The following PEX5L variants were observed in gnomAD, a reference collection of about 807,000 sequenced individuals.
The protein encoded by PEX5L is PEX5-related protein.
Under a neutral mutation model 84.0 loss-of-function variants are expected in PEX5L, and 30 were observed. The ratio of observed to expected loss-of-function variants is 0.36; its 90% CI spans 0.27 to 0.48. The LOEUF (loss-of-function observed/expected upper bound fraction) is 0.48. PEX5L is among the 20% of genes least tolerant of loss of function. The pLI is 0.99. For synonymous variants in PEX5L, 270 were observed against 283.1 expected, an observed-to-expected ratio of 0.95 and a Z score of 0.46; for missense variants, 533 against 754.6, an observed-to-expected ratio of 0.71 and a Z score of 3.44.
At chr3:179,935,138 T>C (rs546544309) in intron 2 of PEX5L, among the ~76,000 whole-genome samples, 100 of 151,596 alleles carry the variant, frequency 6.6e-4, no homozygotes, top group African/African-American at 1.3e-3. Context: ...TGACTTACAA[T>C]ATGAAACATG....
chr3:179,877,612 C>T (rs764295700), intron 5 of PEX5L, among the ~76,000 whole-genome samples: 1 of 152,068 alleles, frequency 6.6e-6, no homozygotes, highest in Non-Finnish European at 1.5e-5. Context: ...GCTTATGCCA[C>T]TATGCCAGGC....
chr3:179,844,723 G>A (rs1416036294), intron 8 of PEX5L, among the ~76,000 whole-genome samples: 3 of 152,048 alleles, frequency 2.0e-5, no homozygotes, highest in Admixed American at 1.3e-4. Context: ...CCAGCTACTC[G>A]GGAGGCTGAG....
At chr3:179,810,044 C>T (rs904097331) in intron 11 of PEX5L, among the ~76,000 whole-genome samples, 2 of 115,182 alleles carry the variant, frequency 1.7e-5, no homozygotes, top group African/African-American at 3.3e-5. Context: ...GACAGAGTCT[C>T]ACTCTGTCAC....
At chr3:179,869,745 C>G (rs1366157519) in intron 7 of PEX5L, among the ~76,000 whole-genome samples, 1 of 152,194 alleles carries the variant, frequency 6.6e-6, no homozygotes, top group Non-Finnish European at 1.5e-5. Flanking sequence ...TGACACCACA[C>G]CAACTCAGTT....
At chr3:179,931,118 TTAAA>T (rs2109610354) in intron 2 of PEX5L, among the ~76,000 whole-genome samples, 1 of 152,362 alleles carries the variant, frequency 6.6e-6, no homozygotes, top group Admixed American at 6.5e-5. Flanking sequence ...GTCTAGATTA[TTAAA>T]TGTTTTTCAA....
intron 1 of PEX5L, chr3:179,973,672 A>T: frequency 3.0e-6 from 3 of 985,436 alleles, no homozygotes; most frequent in Non-Finnish European, 3.6e-6. Flanking sequence ...GCACTCACAG[A>T]ACATCATTCG....
intron 14 of PEX5L, chr3:179,804,430 A>G (rs1394445254): frequency 1.3e-5 from 2 of 152,132 alleles, no homozygotes; most frequent in Non-Finnish European, 2.9e-5. Flanking sequence ...AGCAGGATGA[A>G]ATTTTCATCC....
intron 6 of PEX5L, among the ~76,000 whole-genome samples, chr3:179,874,722 T>C (rs1751584951): frequency 7.6e-6 from 1 of 132,132 alleles, no homozygotes. Flanking sequence ...ATAAAAAAAT[T>C]ATGGTTTTTT....
At chr3:179,805,033 T>C (rs1204994635) in intron 14 of PEX5L, among the ~76,000 whole-genome samples, 1 of 151,642 alleles carries the variant, frequency 6.6e-6, no homozygotes. Flanking sequence ...GCAGGAGAAT[T>C]GCTTGAACCT....
At chr3:179,852,261 T>C (rs934890421) in intron 8 of PEX5L, among the ~76,000 whole-genome samples, 3 of 152,088 alleles carry the variant, frequency 2.0e-5, no homozygotes, top group African/African-American at 7.2e-5. Flanking sequence ...TCATGTGGTG[T>C]GGACAGGAGA....
rs113259941 is a variant in PEX5L at position 179,885,647 on chromosome 3, G to GA, written c.310+2025dup. 1.5e-3 allele frequency among the ~76,000 whole-genome samples: 182 copies of GA among 120,298 alleles called. 1 individual carries two copies. Among genetic ancestry groups the GA allele is most frequent in the Admixed American group, 1.3e-3 (15 of 11,880 alleles). 78.9% of individuals were successfully genotyped at this position (120,298 alleles called of 152,430 possible). ...GGTGACAGAGCGAGACTCCGTCTCAGAAAAAAAAAAAAAAGCGGGGGGTGG... is the reference window on the plus strand; with the variant it reads ...GGTGACAGAGCGAGACTCCGTCTCAGAAAAAAAAAAAAAAAGCGGGGGGTGG... On this transcript the variant is annotated intron_variant, in intron 4 of 14. Coordinates refer to ENST00000467460, the MANE Select transcript of PEX5L (RefSeq NM_016559.3).
At position 179,800,238 on chromosome 3, in the gene PEX5L, T is replaced by A. The variant is rs1718457469; in HGVS notation, c.*1590A>T. ...TCCCCAGCCAATTAGACTGTTTTGATCCCAATTCTGTGGAGTCTTTTTTGT... is the reference window on the plus strand; with the variant it reads ...TCCCCAGCCAATTAGACTGTTTTGAACCCAATTCTGTGGAGTCTTTTTTGT... On this transcript the variant is annotated 3_prime_UTR_variant, in exon 15 of 15. Coordinates refer to ENST00000467460, the MANE Select transcript of PEX5L (RefSeq NM_016559.3). The A allele has an allele frequency of 6.6e-6, 1 of 152,242 alleles. No homozygotes were observed. The highest frequency in any genetic ancestry group is 1.5e-5 in the Non-Finnish European group (1 of 68,048). 9.4% of individuals were successfully genotyped at this position (152,242 alleles called of 1,614,324 possible).
chr3:179,989,936 A>T (rs1432961989), intron 1 of PEX5L, among the ~76,000 whole-genome samples: 1 of 152,146 alleles, frequency 6.6e-6, no homozygotes, highest in East Asian at 1.9e-4. Context: ...TTTCCGATAA[A>T]CTCCTTACCA....
chr3:180,010,029 C>T (rs751218826), intron 1 of PEX5L, among the ~76,000 whole-genome samples: 15 of 151,902 alleles, frequency 9.9e-5, no homozygotes, highest in South Asian at 4.2e-4. Context: ...CTGCAAGCTC[C>T]GCCTCTAGGG....
chr3:179,965,383 C>T (rs1783078992), intron 2 of PEX5L, among the ~76,000 whole-genome samples: 1 of 152,192 alleles, frequency 6.6e-6, no homozygotes, highest in Non-Finnish European at 1.5e-5. Context: ...ATTTGAGCCT[C>T]ACAGCAGGCA....
chr3:179,941,229 C>A lies in PEX5L; in HGVS notation c.93+30365G>T, dbSNP rs6778104. ...GCATAATATACATTTACCATTTTGC[C>A]GATTTAAACATGTACAGTTCAGCGG... On this transcript the variant is annotated intron_variant, in intron 2 of 14. Transcript: ENST00000467460. Among the ~76,000 whole-genome samples, 792 of 152,124 alleles carry A rather than the reference C, an allele frequency of 5.2e-3. 7 individuals carry two copies. Among genetic ancestry groups the A allele is most frequent in the African/African-American group, 0.018 (744 of 41,476 alleles).
chr3:179,836,219 A>G (rs1392963894), intron 8 of PEX5L, among the ~76,000 whole-genome samples: 1 of 152,170 alleles, frequency 6.6e-6, no homozygotes, highest in Non-Finnish European at 1.5e-5. Flanking sequence ...TAAAATGCCT[A>G]CTTCACAGGA....
At position 179,799,603 on chromosome 3, in the gene PEX5L, TTACAAAGTTTGCTTTGA is replaced by T. The variant is rs1718256458; in HGVS notation, c.*2208_*2224del. ...AGTATAGAATGGCATCACAGAACAC[TTACAAAGTTTGCTTTGA>T]ATCCTTTGTTCAGAGGCTATTCAAT... On this transcript the variant is annotated 3_prime_UTR_variant, in exon 15 of 15. Coordinates refer to ENST00000467460, the MANE Select transcript of PEX5L (RefSeq NM_016559.3). The T allele has an allele frequency of 6.6e-6, 1 of 152,232 alleles. No homozygotes were observed. The highest frequency in any genetic ancestry group is 1.5e-5 in the Non-Finnish European group (1 of 68,046). The allele number at this position is 152,232 out of a possible 1,614,324, so 9.4% of individuals were successfully genotyped here.
chr3:179,965,282 C>T (rs1285992281), intron 2 of PEX5L, among the ~76,000 whole-genome samples: 1 of 152,142 alleles, frequency 6.6e-6, no homozygotes. Context: ...GAAAAAGTCC[C>T]AAAACAAAGG....
Sources: allele counts gnomAD v4.1 joint callset (sites outside exome capture counted in the v4.1 genomes callset), GRCh38; gene constraint gnomAD v4.1.1; transcripts MANE v1.5; gene names NCBI Gene and HGNC (gene_info 2026-07-23, HGNC 2026-07-21).